The following DSCAM variants were observed in gnomAD, a reference collection of about 807,000 sequenced individuals.
DSCAM encodes DS cell adhesion molecule, also known as cell adhesion molecule DSCAM.
Under a neutral mutation model 217.7 loss-of-function variants are expected in DSCAM, and 47 were observed. That is an observed-to-expected ratio of 0.22 (90% CI 0.17 to 0.28). The LOEUF is 0.28. DSCAM is among the 10% of genes least tolerant of loss of function. The probability of loss-of-function intolerance (pLI) is 1.00; values close to 1 mark genes in which losing one functional copy is unlikely to be tolerated. For synonymous variants in DSCAM, 1,056 were observed against 1,015.3 expected (o/e 1.04, Z -0.76); for missense variants, 2,080 against 2,618.3 (o/e 0.79, Z 4.49).
intron 1 of DSCAM, among the ~76,000 whole-genome samples, chr21:40,790,234 T>G (rs1202031341): frequency 3.4e-5 from 5 of 148,052 alleles, no homozygotes. Flanking sequence ...CAGGCTGGAG[T>G]GCAGTGGCGC....
intron 3 of DSCAM, among the ~76,000 whole-genome samples, chr21:40,578,469 C>T (rs462527): frequency 1.6e-4 from 8 of 50,094 alleles, no homozygotes; most frequent in South Asian, 5.5e-4. Context: ...CTCTGTAAAA[C>T]GGACCAATCA....
intron 3 of DSCAM, among the ~76,000 whole-genome samples, chr21:40,689,279 C>A (rs112202974): frequency 6.6e-6 from 1 of 152,214 alleles, no homozygotes; most frequent in African/African-American, 2.4e-5. Context: ...TTCCAAAGGT[C>A]CCCTGGCCTA....
chr21:40,526,707 A>G (rs1482981368), intron 3 of DSCAM, among the ~76,000 whole-genome samples: 1 of 152,140 alleles, frequency 6.6e-6, no homozygotes, highest in East Asian at 1.9e-4. Flanking sequence ...TGAATACATT[A>G]GTTAGCTTGA....
intron 3 of DSCAM, among the ~76,000 whole-genome samples, chr21:40,441,284 C>T (rs2075627944): frequency 1.3e-5 from 2 of 152,108 alleles, no homozygotes; most frequent in African/African-American, 4.8e-5. Context: ...AAATTCACCC[C>T]TCAACCCCAT....
intron 1 of DSCAM, among the ~76,000 whole-genome samples, chr21:40,757,030 A>C (rs1015369683): frequency 3.3e-5 from 5 of 149,330 alleles, no homozygotes; most frequent in Admixed American, 1.3e-4. Flanking sequence ...TTTTATTTTT[A>C]TTTTATTTTT....
At chr21:40,180,188 C>G (rs2090783973) in intron 14 of DSCAM, among the ~76,000 whole-genome samples, 1 of 152,206 alleles carries the variant, frequency 6.6e-6, no homozygotes, top group South Asian at 2.1e-4. Context: ...ACCACAAATA[C>G]ATGGACCTCT....
chr21:40,425,474 G>A (rs1442943215), intron 3 of DSCAM, among the ~76,000 whole-genome samples: 1 of 151,684 alleles, frequency 6.6e-6, no homozygotes, highest in Admixed American at 6.6e-5. Context: ...TGCACGTTGT[G>A]TACATGTACC....
At chr21:40,036,165 C>T (rs1231160084) in intron 32 of DSCAM, among the ~76,000 whole-genome samples, 1 of 142,888 alleles carries the variant, frequency 7.0e-6, no homozygotes, top group Non-Finnish European at 1.5e-5. Context: ...TAACTAAAAT[C>T]AGAGCAGAAC....
chr21:40,767,034 T>A (rs907114371), intron 1 of DSCAM, among the ~76,000 whole-genome samples: 2 of 152,158 alleles, frequency 1.3e-5, no homozygotes, highest in African/African-American at 4.8e-5. Context: ...AGAAGGGTAC[T>A]TGCTTTACAG....
At chr21:40,164,900 T>A (rs2090577796) in intron 16 of DSCAM, among the ~76,000 whole-genome samples, 1 of 152,218 alleles carries the variant, frequency 6.6e-6, no homozygotes, top group African/African-American at 2.4e-5. Flanking sequence ...TCAATGATAA[T>A]TAAATAAATG....
At chr21:40,487,004 A>T (rs913222342) in intron 3 of DSCAM, among the ~76,000 whole-genome samples, 1 of 152,106 alleles carries the variant, frequency 6.6e-6, no homozygotes, top group African/African-American at 2.4e-5. Context: ...TGCTTCTAAC[A>T]GTCTGGGAGC....
intron 3 of DSCAM, among the ~76,000 whole-genome samples, chr21:40,596,805 T>C (rs1236996702): frequency 1.3e-5 from 2 of 152,176 alleles, no homozygotes; most frequent in Admixed American, 1.3e-4. Context: ...TACAGTTTTA[T>C]AGCTGAAAAT....
At chr21:40,496,775 A>T (rs912969004) in intron 3 of DSCAM, among the ~76,000 whole-genome samples, 2 of 152,188 alleles carry the variant, frequency 1.3e-5, no homozygotes, top group Non-Finnish European at 2.9e-5. Context: ...AGATATAAGG[A>T]ATGCAAACAG....
At position 40,042,532 on chromosome 21, in the gene DSCAM, G is replaced by C; in HGVS notation, c.5525C>G (p.Thr1842Arg). 6.2e-7 allele frequency: 1 copy of C among 1,614,196 alleles called. No individual in the cohort carries two copies. The highest frequency in any genetic ancestry group is 1.1e-5 in the South Asian group (1 of 91,080). ...CCCTGCCGTCAACTGCTCCGATGAC[G>C]TGTCTGATATGAAGCACTCCGTGAT... ...FTITECFISD[T>R]SSEQLTAGTN... Residue 1842 changes from threonine to arginine, a missense_variant, in exon 32 of 33, where the codon ACG becomes AGG. Coordinates refer to ENST00000400454, the MANE Select transcript of DSCAM (RefSeq NM_001389.5).
intron 3 of DSCAM, among the ~76,000 whole-genome samples, chr21:40,417,037 T>C (rs1255409010): frequency 6.6e-6 from 1 of 152,184 alleles, no homozygotes; most frequent in Non-Finnish European, 1.5e-5. Flanking sequence ...TCTGATTTGG[T>C]TGAGGCATCT....
chr21:40,141,249 A>G (rs2090286209), intron 18 of DSCAM, among the ~76,000 whole-genome samples: 1 of 152,188 alleles, frequency 6.6e-6, no homozygotes, highest in Admixed American at 6.5e-5. Flanking sequence ...GGGAAGGGAT[A>G]GGTCCTTGAC....
At chr21:40,762,785 C>T (rs2091348247) in intron 1 of DSCAM, among the ~76,000 whole-genome samples, 1 of 152,134 alleles carries the variant, frequency 6.6e-6, no homozygotes, top group Non-Finnish European at 1.5e-5. Context: ...AGCTTCATCC[C>T]TGGGATGCAA....
intron 11 of DSCAM, among the ~76,000 whole-genome samples, chr21:40,206,312 A>T (rs112713418): frequency 0.016 from 2,445 of 152,002 alleles, 64 homozygotes; most frequent in African/African-American, 0.056. Context: ...AAAGCACCTG[A>T]GGCCAGGGGT....
intron 4 of DSCAM, among the ~76,000 whole-genome samples, chr21:40,358,279 T>TA (rs1369582520): frequency 6.6e-6 from 1 of 152,198 alleles, no homozygotes; most frequent in Non-Finnish European, 1.5e-5. Flanking sequence ...ATGACATTTT[T>TA]AAAAAATGGC....
Sources: gnomAD v4.1 joint callset for allele counts (sites outside exome capture counted in the v4.1 genomes callset) on GRCh38, gnomAD v4.1.1 for gene constraint, MANE v1.5 for transcripts, NCBI Gene and HGNC (gene_info 2026-07-23, HGNC 2026-07-21) for gene names.